The following KIAA0319L variants were observed in gnomAD, a reference collection of about 807,000 sequenced individuals.
KIAA0319L encodes the protein KIAA0319 like.
KIAA0319L carries 55 observed loss-of-function variants against 120.1 expected under a neutral mutation model. The ratio of observed to expected loss-of-function variants is 0.46; its 90% confidence interval spans 0.37 to 0.57. The LOEUF is 0.57. KIAA0319L is among the 20% of genes least tolerant of loss of function. KIAA0319L has a pLI of 0.00. For synonymous variants in KIAA0319L, 398 were observed against 471.9 expected (o/e 0.84, Z 2.03); for missense variants, 1,049 against 1,255.3 (o/e 0.84, Z 2.48).
chr1:35,460,203 C>T (rs1021698287), intron 9 of KIAA0319L, 102 bp downstream of exon 9: 9 of 953,946 alleles, frequency 9.4e-6, no homozygotes, highest in African/African-American at 1.7e-5. Context: ...ACCAACTCCA[C>T]AGTGAATTTG....
intron 2 of KIAA0319L, among the ~76,000 whole-genome samples, chr1:35,523,494 G>C (rs1316835562): frequency 6.6e-6 from 1 of 152,222 alleles, no homozygotes; most frequent in African/African-American, 2.4e-5. Flanking sequence ...CAGATGGCCA[G>C]GTATCAGGTG....
At chr1:35,543,543 A>G (rs541466275) in intron 2 of KIAA0319L, among the ~76,000 whole-genome samples, 2 of 152,326 alleles carry the variant, frequency 1.3e-5, no homozygotes, top group African/African-American at 4.8e-5. Context: ...AGACCAATGC[A>G]TATTCAAAAT....
rs1209877398 is a variant in KIAA0319L at position 35,434,275 on chromosome 1, G to C, written c.*619C>G. 1 of 151,952 alleles carries C rather than the reference G, an allele frequency of 6.6e-6. No homozygotes were observed. Among genetic ancestry groups the C allele is most frequent in the African/African-American group, 2.4e-5 (1 of 41,312 alleles). 9.4% of individuals were successfully genotyped at this position (151,952 alleles called of 1,614,324 possible). On this transcript the variant is annotated 3_prime_UTR_variant, in exon 21 of 21. Coordinates refer to ENST00000325722, the MANE Select transcript of KIAA0319L (RefSeq NM_024874.5). The stretch of plus-strand genomic sequence containing the variant: ...AATTTTTTTTTTTATTTTTAGTAGA[G>C]ATGGGGTTTCACCGTGTTAGCCAGG...
Position 35,460,423 on chromosome 1 carries a change from C to T in KIAA0319L, c.1309G>A (p.Asp437Asn), listed in dbSNP as rs1011827745. The T allele has an allele frequency of 6.2e-7, 1 of 1,612,980 alleles. No individual in the cohort carries two copies. The highest frequency in any genetic ancestry group is 1.3e-5 in the African/African-American group (1 of 74,840). ...VIDGSQSTDD[D>N]KIVQYHWEEL... The stretch of plus-strand genomic sequence containing the variant: ...TCCCAATGGTACTGAACGATTTTAT[C>T]ATCATCAGTGCTTTCTTGACCATAA... The change falls in exon 9 of 21, where the codon GAT becomes AAT. Residue 437 changes from aspartate to asparagine, a missense_variant. Physicochemically the swap from Asp to Asn is conservative, Grantham distance 23. Transcript: ENST00000325722.
intron 3 of KIAA0319L, among the ~76,000 whole-genome samples, chr1:35,479,652 T>C (rs1227011557): frequency 6.6e-6 from 1 of 152,092 alleles, no homozygotes; most frequent in Non-Finnish European, 1.5e-5. Context: ...ACGCCTGTAC[T>C]CCCAACACTT....
intron 6 of KIAA0319L, among the ~76,000 whole-genome samples, chr1:35,468,791 T>A (rs1643434855): frequency 6.6e-6 from 1 of 152,242 alleles, no homozygotes; most frequent in African/African-American, 2.4e-5. Flanking sequence ...CTTAACCACT[T>A]GTCATAGCAC....
intron 2 of KIAA0319L, among the ~76,000 whole-genome samples, chr1:35,524,018 G>C (rs1341587659): frequency 1.3e-5 from 2 of 152,132 alleles, no homozygotes; most frequent in Non-Finnish European, 1.5e-5. Context: ...GCAAGAAAAA[G>C]AAGAGGATGG....
chr1:35,502,869 C>T (rs1002205074), intron 3 of KIAA0319L, among the ~76,000 whole-genome samples: 5 of 152,162 alleles, frequency 3.3e-5, no homozygotes, highest in African/African-American at 1.2e-4. Context: ...TCCTTCTGTA[C>T]AAACTACCTA....
chr1:35,519,478 A>G (rs7512839), intron 2 of KIAA0319L, among the ~76,000 whole-genome samples: 1 of 152,170 alleles, frequency 6.6e-6, no homozygotes, highest in Non-Finnish European at 1.5e-5. Context: ...TTCAGTAACA[A>G]TTAAAACACC....
chr1:35,452,856 A>AACAC (rs1326079938), intron 12 of KIAA0319L, among the ~76,000 whole-genome samples: 4 of 150,128 alleles, frequency 2.7e-5, no homozygotes, highest in Admixed American at 6.7e-5. Flanking sequence ...CAAACAAACA[A>AACAC]ACACAATACA....
chr1:35,504,388 A>T (rs144263606), intron 3 of KIAA0319L, among the ~76,000 whole-genome samples: 1 of 151,918 alleles, frequency 6.6e-6, no homozygotes, highest in East Asian at 1.9e-4. Context: ...AGTAGAGACA[A>T]GGTTTCACCG....
At chr1:35,549,132 T>C (rs1333851875) in intron 2 of KIAA0319L, among the ~76,000 whole-genome samples, 1 of 151,780 alleles carries the variant, frequency 6.6e-6, no homozygotes, top group African/African-American at 2.4e-5. Context: ...TTCACTGCAG[T>C]CTTGAACTCC....
intron 8 of KIAA0319L, among the ~76,000 whole-genome samples, chr1:35,461,692 A>G (rs1175180416): frequency 1.3e-5 from 2 of 152,206 alleles, no homozygotes; most frequent in Non-Finnish European, 2.9e-5. Flanking sequence ...TTTTCACTGT[A>G]TACATTTGCA....
intron 2 of KIAA0319L, among the ~76,000 whole-genome samples, chr1:35,525,530 A>G (rs1044142241): frequency 4.6e-5 from 7 of 151,998 alleles, no homozygotes; most frequent in Non-Finnish European, 8.8e-5. Flanking sequence ...TGCCTTTTTG[A>G]TAACAGCCAT....
intron 2 of KIAA0319L, among the ~76,000 whole-genome samples, chr1:35,531,335 T>C (rs548750762): frequency 4.6e-5 from 7 of 152,282 alleles, no homozygotes; most frequent in Non-Finnish European, 5.9e-5. Flanking sequence ...GACCCTGTGG[T>C]TCCTCTGGGC....
chr1:35,527,993 T>C (rs1226476013), intron 2 of KIAA0319L, among the ~76,000 whole-genome samples: 1 of 152,186 alleles, frequency 6.6e-6, no homozygotes, highest in East Asian at 1.9e-4. Context: ...CTACTTTTTT[T>C]GATGTAGGTG....
In KIAA0319L at chr1:35,451,734, A is replaced by G. The variant is rs371679527; in HGVS notation, c.1956T>C (p.Val652=). 1 of 1,613,990 alleles carries G rather than the reference A, an allele frequency of 6.2e-7. No individual in the cohort carries two copies. The highest frequency in any genetic ancestry group is 1.3e-5 in the African/African-American group (1 of 74,918). The change falls in exon 13 of 21, where the codon GTT becomes GTC. Residue 652 remains valine, a synonymous_variant. Coordinates refer to ENST00000325722, the MANE Select transcript of KIAA0319L (RefSeq NM_024874.5). ...GVQLENANSS[V]ATVTGLQVGT... ...CCACTTGCAGCCCAGTCACAGTAGC[A>G]ACACTGCTGTTAGCATTCTCGAGCT...
chr1:35,554,289 G>A (rs1431961872), intron 2 of KIAA0319L, 61 bp downstream of exon 2: 30 of 1,263,464 alleles, frequency 2.4e-5, no homozygotes, highest in Non-Finnish European at 3.2e-5. Flanking sequence ...TGAACTGAGG[G>A]ACTCACATAA....
In KIAA0319L at chr1:35,477,439, G is replaced by A. The variant is rs748960684; in HGVS notation, c.913+1527C>T. Among the ~76,000 whole-genome samples, 8 of 152,054 alleles carry A rather than the reference G, an allele frequency of 5.3e-5. 1 individual carries two copies. Among genetic ancestry groups the A allele is most frequent in the East Asian group, 1.9e-4 (1 of 5,188 alleles). ...TCCCAGCACTTTGGGAGGCCAAGGC[G>A]GACGGATCACAAGGTCAGGAGATCG... On this transcript the variant is annotated intron_variant, in intron 4 of 20. Coordinates refer to ENST00000325722, the MANE Select transcript of KIAA0319L (RefSeq NM_024874.5).
Sources: allele counts gnomAD v4.1 joint callset (sites outside exome capture counted in the v4.1 genomes callset), GRCh38; gene constraint gnomAD v4.1.1; transcripts MANE v1.5; gene names NCBI Gene and HGNC (gene_info 2026-07-23, HGNC 2026-07-21).